SRGAP3: variants seen among roughly 807,000 people sequenced by gnomAD.
The protein encoded by SRGAP3 is SLIT-ROBO Rho GTPase activating protein 3.
In SRGAP3, 39 loss-of-function variants were observed where a neutral mutation model predicts 121.1. The ratio of observed to expected loss-of-function variants is 0.32; its 90% confidence interval spans 0.25 to 0.42. The LOEUF (loss-of-function observed/expected upper bound fraction) is 0.42. Ranked by LOEUF, SRGAP3 falls within the 10% of genes least tolerant of loss-of-function variation. SRGAP3 has a pLI of 1.00. For missense variants in SRGAP3, 1,213 were observed against 1,470.6 expected, an observed-to-expected ratio of 0.82 and a Z score of 2.86; for synonymous variants, 601 against 570.0, an observed-to-expected ratio of 1.05 and a Z score of -0.77.
chr3:9,136,484 G>A (rs1476199571), intron 1 of SRGAP3, among the ~76,000 whole-genome samples: 3 of 149,502 alleles, frequency 2.0e-5, no homozygotes, highest in Non-Finnish European at 4.4e-5. Context: ...CCATCTCTTC[G>A]GATTCCTTCT....
chr3:8,987,249 A>G (rs1941766458), intron 21 of SRGAP3, among the ~76,000 whole-genome samples: 1 of 152,198 alleles, frequency 6.6e-6, no homozygotes, highest in Non-Finnish European at 1.5e-5. Context: ...ATGCCTCCGC[A>G]TCCGACAGAC....
chr3:9,195,920 C>T (rs1433280622), intron 1 of SRGAP3, among the ~76,000 whole-genome samples: 1 of 152,142 alleles, frequency 6.6e-6, no homozygotes, highest in East Asian at 1.9e-4. Flanking sequence ...CACACCATTG[C>T]ACTCCAACCT....
chr3:9,259,486 G>C (rs928074199), intron 3 of SRGAP3, among the ~76,000 whole-genome samples: 1 of 151,922 alleles, frequency 6.6e-6, no homozygotes, highest in East Asian at 1.9e-4. Flanking sequence ...TTATTTTTTT[G>C]TAGAGATGGT....
At chr3:9,272,262 C>T (rs7619174) in intron 3 of SRGAP3, among the ~76,000 whole-genome samples, 94,823 of 152,062 alleles carry the variant, frequency 0.62, 29,884 homozygotes, top group East Asian at 0.93. Flanking sequence ...GTAAAATACA[C>T]ACAAGATCTA....
At chr3:9,180,587 G>A (rs939546663) in intron 1 of SRGAP3, among the ~76,000 whole-genome samples, 9 of 152,160 alleles carry the variant, frequency 5.9e-5, no homozygotes, top group African/African-American at 1.9e-4. Context: ...CAACTGGAGT[G>A]GAAGGCGTGG....
chr3:9,232,899 G>T (rs933016047), intron 1 of SRGAP3, among the ~76,000 whole-genome samples: 1 of 152,210 alleles, frequency 6.6e-6, no homozygotes, highest in Non-Finnish European at 1.5e-5. Flanking sequence ...TGTCATGCCT[G>T]TCTACAACTT....
chr3:9,288,129 T>TG (rs1491315071), intron 3 of SRGAP3, among the ~76,000 whole-genome samples: 1 of 131,722 alleles, frequency 7.6e-6, no homozygotes, highest in Non-Finnish European at 1.7e-5. Context: ...ATTCTATCTT[T>TG]GTTTTTTTTT....
At chr3:9,019,772 TTCA>T (rs1320114675) in intron 14 of SRGAP3, among the ~76,000 whole-genome samples, 2 of 152,286 alleles carry the variant, frequency 1.3e-5, no homozygotes, top group East Asian at 3.9e-4. Flanking sequence ...TGAGCCAGAG[TTCA>T]GTTCCCATCT....
intron 3 of SRGAP3, among the ~76,000 whole-genome samples, chr3:9,319,055 C>G (rs1010287978): frequency 1.3e-5 from 2 of 151,808 alleles, no homozygotes; most frequent in South Asian, 4.1e-4. Flanking sequence ...AAAATACATT[C>G]ATTTTAAATA....
At chr3:9,115,152 A>C (rs905182116) in intron 2 of SRGAP3, among the ~76,000 whole-genome samples, 3 of 152,094 alleles carry the variant, frequency 2.0e-5, no homozygotes, top group Non-Finnish European at 2.9e-5. Flanking sequence ...TGCCTTGCCT[A>C]TCAGTTGGTC....
intron 1 of SRGAP3, chr3:9,217,842 C>T (rs2125192776): frequency 6.6e-6 from 1 of 152,046 alleles, no homozygotes; most frequent in Non-Finnish European, 1.5e-5. Flanking sequence ...ATATGTCACC[C>T]CTGCAGGCCC....
At chr3:9,047,321 G>T (rs114082255) in intron 10 of SRGAP3, 70 bp downstream of exon 10, 4 of 1,514,574 alleles carry the variant, frequency 2.6e-6, no homozygotes, top group South Asian at 2.3e-5. Context: ...AGCTCAACAC[G>T]TCAGGGGGCC....
chr3:8,992,726 G>A (rs1942133198), intron 20 of SRGAP3, 180 bp downstream of exon 20: 1 of 975,196 alleles, frequency 1.0e-6, no homozygotes, highest in Admixed American at 1.9e-5. Flanking sequence ...AGGCTGGATG[G>A]TTCTATACCT....
At chr3:9,283,331 A>G (rs1156678563) in intron 3 of SRGAP3, among the ~76,000 whole-genome samples, 1 of 152,182 alleles carries the variant, frequency 6.6e-6, no homozygotes, top group Non-Finnish European at 1.5e-5. Flanking sequence ...CTATTGGCCT[A>G]TCATGTACTT....
intron 3 of SRGAP3, among the ~76,000 whole-genome samples, chr3:9,082,655 G>A (rs1235414319): frequency 6.6e-6 from 1 of 152,216 alleles, no homozygotes; most frequent in Non-Finnish European, 1.5e-5. Context: ...GGCTCCCTGA[G>A]CAGCTGCAGC....
At chr3:9,009,911 G>T (rs1943276424) in intron 18 of SRGAP3, among the ~76,000 whole-genome samples, 1 of 152,218 alleles carries the variant, frequency 6.6e-6, no homozygotes, top group Non-Finnish European at 1.5e-5. Context: ...CCGACGTCTT[G>T]TTCATCCCTG....
intron 1 of SRGAP3, among the ~76,000 whole-genome samples, chr3:9,184,105 T>C (rs1387238095): frequency 6.6e-6 from 1 of 152,128 alleles, no homozygotes; most frequent in Non-Finnish European, 1.5e-5. Flanking sequence ...GTAAAGGGGC[T>C]TAAGGAAGCA....
intron 2 of SRGAP3, among the ~76,000 whole-genome samples, chr3:9,110,245 G>C (rs917580655): frequency 7.9e-5 from 12 of 152,128 alleles, no homozygotes; most frequent in Non-Finnish European, 1.5e-4. Context: ...TTGGGCACCT[G>C]GGGGAGTAGA....
At position 9,152,814 on chromosome 3, in the gene SRGAP3, T is replaced by C. The variant is rs1185358175; in HGVS notation, c.68-27897A>G. 4.6e-5 allele frequency among the ~76,000 whole-genome samples: 7 copies of C among 152,106 alleles called. No individual in the cohort carries two copies. In the East Asian group the frequency reaches 1.2e-3, roughly 25 times the overall value. ...CTTGGCTGTCAGCCTTCTATAAAGA[T>C]TGCCTTCCAGAGGCAGCCCACATCC... is the stretch of plus-strand genomic sequence containing the variant. On this transcript the variant is annotated intron_variant, in intron 1 of 21. Transcript: ENST00000383836.
Sources: allele counts gnomAD v4.1 joint callset (sites outside exome capture counted in the v4.1 genomes callset), GRCh38; gene constraint gnomAD v4.1.1; transcripts MANE v1.5; gene names NCBI Gene and HGNC (gene_info 2026-07-23, HGNC 2026-07-21).